Variants in SLC25A48 observed in about 807,000 individuals in gnomAD.
SLC25A48 encodes the protein CTC-321K16.1.
SLC25A48 carries 29 observed loss-of-function variants against 32.2 expected under a neutral mutation model. The observed-to-expected ratio is 0.90, with a 90% CI of 0.67 to 1.23. SLC25A48 has a LOEUF of 1.23. Ranked by LOEUF, SLC25A48 falls within the 50% of genes most tolerant of loss-of-function variation. SLC25A48 has a pLI of 0.00. For missense variants in SLC25A48, 399 were observed against 422.7 expected, an observed-to-expected ratio of 0.94 and a Z score of 0.49; for synonymous variants, 164 against 172.3, an observed-to-expected ratio of 0.95 and a Z score of 0.38.
At chr5:135,580,282 C>T (rs1580697312) in intron 1 of SLC25A48, among the ~76,000 whole-genome samples, 1 of 152,176 alleles carries the variant, frequency 6.6e-6, no homozygotes, top group East Asian at 1.9e-4. Context: ...TGCTTTGAGG[C>T]CTGTCTGCCC....
At chr5:135,842,535 T>C in intron 2 of SLC25A48, 76 bp downstream of exon 2, 1 of 1,426,060 alleles carries the variant, frequency 7.0e-7, no homozygotes, top group Non-Finnish European at 9.9e-7. Context: ...ATTCCTGCTG[T>C]TTCTAATCTC....
Position 135,781,428 on chromosome 5 carries a change from G to A in SLC25A48, c.-520-31095G>A, listed in dbSNP as rs2126622090. On this transcript the variant is annotated intron_variant, in intron 3 of 10. Coordinates refer to the SLC25A48 transcript ENST00000646290. ...GATATTACACCCAACATCACAAGAG[G>A]TGCACAACCCTTTTGTGATATTGTT... Among the ~76,000 whole-genome samples, 2 of 117,240 alleles carry A rather than the reference G, an allele frequency of 1.7e-5. 1 individual carries two copies. Among genetic ancestry groups the A allele is most frequent in the Middle Eastern group, 8.8e-3 (2 of 228 alleles). 76.9% of individuals were successfully genotyped at this position (117,240 alleles called of 152,430 possible). A position where few individuals can be genotyped will look rare whatever the true frequency, so the allele number is the denominator to read the frequency against.
At chr5:135,862,911 C>A (rs1003717763) in intron 4 of SLC25A48, among the ~76,000 whole-genome samples, 5 of 152,126 alleles carry the variant, frequency 3.3e-5, no homozygotes, top group Non-Finnish European at 5.9e-5. Context: ...TTATATTCAG[C>A]AGGCAGTGAA....
chr5:135,867,060 G>T (rs978743119), intron 4 of SLC25A48, among the ~76,000 whole-genome samples: 10 of 152,004 alleles, frequency 6.6e-5, no homozygotes, highest in Non-Finnish European at 1.5e-4. Context: ...AGCAAAAGTT[G>T]GTCTCAAATG....
In SLC25A48 at chr5:135,876,803, C is replaced by T. The variant is rs116635546; in HGVS notation, c.813+2649C>T. Among the ~76,000 whole-genome samples the T allele has an allele frequency of 2.9e-3, 446 of 152,256 alleles. 1 individual carries two copies. The highest frequency in any genetic ancestry group is 0.01 in the African/African-American group (429 of 41,554). On this transcript the variant is annotated intron_variant, in intron 6 of 7. Coordinates refer to ENST00000681962, the MANE Select transcript of SLC25A48 (RefSeq NM_001349336.2). ...ACCATCTAAAACAATCAGGTTGTCT[C>T]AAAGGCAGTTTTCTGGCAGCCGCAG...
chr5:135,722,829 C>A (rs577450669), intron 3 of SLC25A48, among the ~76,000 whole-genome samples: 12 of 152,244 alleles, frequency 7.9e-5, no homozygotes, highest in Non-Finnish European at 1.3e-4. Context: ...TCCCTGGTGT[C>A]CGGTCAGGTT....
chr5:135,644,480 G>A (rs911823680), intron 3 of SLC25A48, among the ~76,000 whole-genome samples: 1 of 152,126 alleles, frequency 6.6e-6, no homozygotes, highest in African/African-American at 2.4e-5. Flanking sequence ...CTGGGGCAGT[G>A]CCACCTGCTA....
At chr5:135,602,616 T>TTC (rs1751825618) in intron 1 of SLC25A48, among the ~76,000 whole-genome samples, 1 of 149,112 alleles carries the variant, frequency 6.7e-6, no homozygotes, top group African/African-American at 2.5e-5. Context: ...TTTTCTTTCT[T>TTC]TTTTTTTTTT....
intron 1 of SLC25A48, among the ~76,000 whole-genome samples, chr5:135,612,619 G>A (rs11739616): frequency 0.5 from 76,386 of 151,910 alleles, 19,849 homozygotes; most frequent in African/African-American, 0.64. Context: ...TAGCTCCCAC[G>A]TATGAGTAAG....
chr5:135,638,811 C>G (rs1051276093), intron 3 of SLC25A48, among the ~76,000 whole-genome samples: 2 of 152,090 alleles, frequency 1.3e-5, no homozygotes, highest in African/African-American at 2.4e-5. Context: ...TTATATAAAT[C>G]GTGATACACC....
At chr5:135,728,841 TACAC>T (rs33918902) in intron 3 of SLC25A48, among the ~76,000 whole-genome samples, 5,307 of 141,564 alleles carry the variant, frequency 0.037, 107 homozygotes, top group East Asian at 0.1. Flanking sequence ...CATACACAAA[TACAC>T]ACACACACAC....
chr5:135,640,886 C>T (rs1014285811), intron 3 of SLC25A48, among the ~76,000 whole-genome samples: 4 of 152,164 alleles, frequency 2.6e-5, no homozygotes, highest in Non-Finnish European at 4.4e-5. Context: ...CTACAGCAAA[C>T]ATCATACTTA....
intron 3 of SLC25A48, among the ~76,000 whole-genome samples, chr5:135,694,119 C>T (rs75672954): frequency 0.022 from 3,336 of 152,232 alleles, 126 homozygotes; most frequent in African/African-American, 0.073. Flanking sequence ...AACAGCCACA[C>T]GGTGGGCAGG....
At chr5:135,785,120 A>G (rs1265791089) in intron 3 of SLC25A48, among the ~76,000 whole-genome samples, 3 of 152,164 alleles carry the variant, frequency 2.0e-5, no homozygotes, top group Non-Finnish European at 4.4e-5. Context: ...TACTCCGAAT[A>G]TCATAGAAGG....
At chr5:135,747,958 G>A (rs1415374361) in intron 3 of SLC25A48, among the ~76,000 whole-genome samples, 3 of 152,136 alleles carry the variant, frequency 2.0e-5, no homozygotes, top group African/African-American at 4.8e-5. Context: ...TGGTCTGTCC[G>A]GCTGCAGAGC....
intron 3 of SLC25A48, among the ~76,000 whole-genome samples, chr5:135,765,521 C>T (rs1325226331): frequency 6.7e-6 from 1 of 150,182 alleles, no homozygotes; most frequent in Non-Finnish European, 1.5e-5. Flanking sequence ...TATTACACCC[C>T]ATATTGCTGG....
chr5:135,697,230 T>C (rs1017098596), intron 3 of SLC25A48, among the ~76,000 whole-genome samples: 1 of 152,196 alleles, frequency 6.6e-6, no homozygotes, highest in Non-Finnish European at 1.5e-5. Context: ...AACTCTAAGT[T>C]CCAGATTAAC....
intron 3 of SLC25A48, among the ~76,000 whole-genome samples, chr5:135,680,563 G>T (rs964898952): frequency 2.6e-5 from 4 of 152,220 alleles, no homozygotes; most frequent in African/African-American, 9.6e-5. Flanking sequence ...TGGCTGGGAA[G>T]ACCTCACAAT....
intron 3 of SLC25A48, among the ~76,000 whole-genome samples, chr5:135,678,033 G>C (rs916970978): frequency 6.6e-6 from 1 of 152,124 alleles, no homozygotes. Flanking sequence ...AGGGGTCACC[G>C]GGCCTCCTGT....
Sources: gnomAD v4.1 joint callset for allele counts (sites outside exome capture counted in the v4.1 genomes callset) on GRCh38, gnomAD v4.1.1 for gene constraint, MANE v1.5 for transcripts, NCBI Gene and HGNC (gene_info 2026-07-23, HGNC 2026-07-21) for gene names.